TINAG: variants seen among roughly 807,000 people sequenced by gnomAD.
TINAG encodes tubulointerstitial nephritis antigen.
TINAG carries 83 observed loss-of-function variants against 72.7 expected under a neutral mutation model. The ratio of observed to expected loss-of-function variants is 1.14; its 90% CI spans 0.96 to 1.37. The LOEUF (loss-of-function observed/expected upper bound fraction) is 1.37. Among genes scored for constraint, TINAG ranks in the 40% most tolerant of loss-of-function variants. TINAG has a pLI of 0.00. For synonymous variants in TINAG, 234 were observed against 189.9 expected (o/e 1.23, Z -1.91); for missense variants, 685 against 576.6 (o/e 1.19, Z -1.93).
intron 9 of TINAG, among the ~76,000 whole-genome samples, chr6:54,372,145 C>A (rs1298185028): frequency 6.6e-6 from 1 of 151,934 alleles, no homozygotes; most frequent in South Asian, 2.1e-4. Context: ...ACACCTGCCA[C>A]CATGTCTGGC....
chr6:54,333,526 T>G (rs1784791509), intron 4 of TINAG, among the ~76,000 whole-genome samples: 1 of 152,008 alleles, frequency 6.6e-6, no homozygotes, highest in Admixed American at 6.6e-5. Context: ...AGATGATGGA[T>G]TGATGGGTGC....
chr6:54,349,783 G>A lies in TINAG; in HGVS notation c.967G>A (p.Ala323Thr). ...TGCTACCAACAATGGATGTGCCATG[G>A]CAAGCAGGTCTGATGGGCGAGGAAA... ...QNATNNGCAMASRSDGRGKRH... is the reference protein window; with the variant it reads ...QNATNNGCAMTSRSDGRGKRH... The change falls in exon 7 of 11, where the codon GCA becomes ACA. Residue 323 changes from alanine to threonine, a missense_variant. Physicochemically the swap from Ala to Thr is moderately conservative, Grantham distance 58 (BLOSUM62 0). Transcript: ENST00000259782. 6.2e-7 allele frequency: 1 copy of A among 1,605,974 alleles called. No individual in the cohort carries two copies.
At chr6:54,362,667 G>A (rs1763275131) in intron 9 of TINAG, among the ~76,000 whole-genome samples, 1 of 151,438 alleles carries the variant, frequency 6.6e-6, no homozygotes, top group African/African-American at 2.4e-5. Context: ...ATCTCATAAG[G>A]CTATACCTGC....
At chr6:54,318,849 A>G (rs1192295392) in intron 1 of TINAG, among the ~76,000 whole-genome samples, 1 of 152,150 alleles carries the variant, frequency 6.6e-6, no homozygotes, top group Non-Finnish European at 1.5e-5. Flanking sequence ...GTCCGAAGTA[A>G]CTGATTATGG....
Position 54,310,802 on chromosome 6 carries a change from C to CTCTCTTTCTATCCCTCTTTCTTTCTCTT in TINAG, c.355+1906_355+1907insATCCCTCTTTCTTTCTCTTTCTCTTTCT, listed in dbSNP as rs1376986104. 2.4e-3 allele frequency among the ~76,000 whole-genome samples: 341 copies of CTCTCTTTCTATCCCTCTTTCTTTCTCTT among 144,228 alleles called. 1 individual carries two copies. The highest frequency in any genetic ancestry group is 8.0e-3 in the African/African-American group (311 of 38,832). The allele number at this position is 144,228 out of a possible 152,430, so 94.6% of individuals were successfully genotyped here. On this transcript the variant is annotated intron_variant, in intron 1 of 10. Transcript: ENST00000259782. ...CTTTCTTTCTCTTTCTTTTTTCTCT[C>CTCTCTTTCTATCCCTCTTTCTTTCTCTT]TCTCTTTCTCTCCCTCTTTCTTTCT...
At chr6:54,335,861 G>A (rs1276719519) in intron 4 of TINAG, among the ~76,000 whole-genome samples, 1 of 152,070 alleles carries the variant, frequency 6.6e-6, no homozygotes, top group Admixed American at 6.6e-5. Context: ...ATACAGCCAG[G>A]GTGGGCAGTA....
At chr6:54,350,327 T>G (rs1226589932) in intron 7 of TINAG, among the ~76,000 whole-genome samples, 1 of 151,986 alleles carries the variant, frequency 6.6e-6, no homozygotes, top group Non-Finnish European at 1.5e-5. Context: ...CTAGTTTGTC[T>G]GTTAAAAGCC....
rs1284710787 is a variant in TINAG at position 54,360,841 on chromosome 6, G to T, written c.1250+6205G>T. Among the ~76,000 whole-genome samples the T allele has an allele frequency of 6.8e-3, 177 of 26,204 alleles. 2 individuals are homozygous for T. Among genetic ancestry groups the T allele is most frequent in the East Asian group, 0.031 (25 of 802 alleles). The allele number at this position is 26,204 out of a possible 152,430, so 17.2% of individuals were successfully genotyped here. ...GTTTCTTGTGTTTCACAGATACTGT[G>T]TTTTTTTTTTTTTTTTTTTTTTTTT... On this transcript the variant is annotated intron_variant, in intron 9 of 10. Transcript: ENST00000259782.
chr6:54,389,966 C>G lies in TINAG; in HGVS notation c.*41C>G, dbSNP rs1764202654. 6.9e-6 allele frequency: 11 copies of G among 1,588,756 alleles called. No individual in the cohort carries two copies. The highest frequency in any genetic ancestry group is 8.5e-6 in the Non-Finnish European group (10 of 1,172,360). ...CCATAAGGTCATGCCTTTAAGTAACCCCCTAAATTGAAGTTTAGCAATATG... is the reference window on the plus strand; with the variant it reads ...CCATAAGGTCATGCCTTTAAGTAACGCCCTAAATTGAAGTTTAGCAATATG... On this transcript the variant is annotated 3_prime_UTR_variant, in exon 11 of 11. Coordinates refer to ENST00000259782, the MANE Select transcript of TINAG (RefSeq NM_014464.4).
intron 9 of TINAG, among the ~76,000 whole-genome samples, chr6:54,356,578 T>A (rs2150964136): frequency 6.6e-6 from 1 of 152,028 alleles, no homozygotes; most frequent in Admixed American, 6.6e-5. Context: ...ATCATTATTA[T>A]CATATTTGGT....
chr6:54,334,295 C>G (rs190830427), intron 4 of TINAG, among the ~76,000 whole-genome samples: 1 of 152,304 alleles, frequency 6.6e-6, no homozygotes, highest in East Asian at 1.9e-4. Flanking sequence ...CCTAGAAGCT[C>G]TCAGCATCTT....
chr6:54,347,784 T>C (rs1454074925), intron 6 of TINAG, among the ~76,000 whole-genome samples: 1 of 152,116 alleles, frequency 6.6e-6, no homozygotes, highest in Non-Finnish European at 1.5e-5. Flanking sequence ...GTAAATATTT[T>C]CTTTTTGTTG....
intron 9 of TINAG, chr6:54,366,983 C>T (rs1763449455): frequency 6.6e-6 from 1 of 151,734 alleles, no homozygotes; most frequent in East Asian, 1.9e-4. Flanking sequence ...GGCCATTCTT[C>T]TATTTAATGA....
chr6:54,341,334 T>C (rs1784991604), intron 4 of TINAG, among the ~76,000 whole-genome samples: 1 of 152,154 alleles, frequency 6.6e-6, no homozygotes, highest in Admixed American at 6.6e-5. Context: ...AAATGTATTC[T>C]GCCCCAACCC....
chr6:54,367,564 G>C (rs1488602293), intron 9 of TINAG, among the ~76,000 whole-genome samples: 2 of 151,754 alleles, frequency 1.3e-5, no homozygotes, highest in Admixed American at 1.3e-4. Flanking sequence ...AGGTGCTGTA[G>C]AGATGGTACA....
chr6:54,318,325 G>T (rs1448296646), intron 1 of TINAG, among the ~76,000 whole-genome samples: 1 of 152,088 alleles, frequency 6.6e-6, no homozygotes. Flanking sequence ...TAGCAGTCTT[G>T]ATTTCTTGAC....
chr6:54,366,984 T>TTAATTTAATTTAATTTA, intron 9 of TINAG: 1 of 151,806 alleles, frequency 6.6e-6, no homozygotes, highest in East Asian at 1.9e-4. Flanking sequence ...GCCATTCTTC[T>TTAATTTAATTTAATTTA]ATTTAATGAT....
intron 9 of TINAG, among the ~76,000 whole-genome samples, chr6:54,374,295 A>G (rs181484103): frequency 2.4e-4 from 36 of 152,158 alleles, no homozygotes; most frequent in African/African-American, 7.7e-4. Context: ...CTGCTCCTCA[A>G]CCTGTGATAA....
At chr6:54,388,942 T>A (rs1446302130) in intron 10 of TINAG, among the ~76,000 whole-genome samples, 1 of 152,196 alleles carries the variant, frequency 6.6e-6, no homozygotes, top group Non-Finnish European at 1.5e-5. Context: ...GTCTGTACCC[T>A]CTTAAATCTA....
Sources: gnomAD v4.1 joint callset for allele counts (sites outside exome capture counted in the v4.1 genomes callset) on GRCh38, gnomAD v4.1.1 for gene constraint, MANE v1.5 for transcripts, NCBI Gene and HGNC (gene_info 2026-07-23, HGNC 2026-07-21) for gene names.